Variants in ANKMY1 observed in about 807,000 individuals in gnomAD.
The protein encoded by ANKMY1 is ankyrin repeat and MYND domain-containing protein 1.
A neutral mutation model predicts 102.0 loss-of-function variants in ANKMY1; 98 were observed. The ratio of observed to expected loss-of-function variants is 0.96; its 90% CI spans 0.82 to 1.14. ANKMY1 has a LOEUF of 1.14. ANKMY1 is among the 50% of genes most tolerant of loss of function. ANKMY1 has a pLI of 0.00. For synonymous variants in ANKMY1, 582 were observed against 559.9 expected (o/e 1.04, Z -0.56); for missense variants, 1,330 against 1,347.6 (o/e 0.99, Z 0.20).
downstream of ANKMY1, among the ~76,000 whole-genome samples, chr2:240,478,779 A>G (rs2075033505): frequency 6.6e-6 from 1 of 150,932 alleles, no homozygotes. Flanking sequence ...GCCACAAGCC[A>G]GCCTGGAGCG....
downstream of ANKMY1, among the ~76,000 whole-genome samples, chr2:240,476,561 C>A (rs1047918447): frequency 6.6e-6 from 1 of 152,148 alleles, no homozygotes; most frequent in Admixed American, 6.5e-5. Flanking sequence ...CCTGTCCTGG[C>A]AGATGTGAAA....
intron 15 of ANKMY1, 121 bp from the exon 16 acceptor site, chr2:240,482,382 G>A (rs1559224611): frequency 1.2e-6 from 1 of 850,856 alleles, no homozygotes; most frequent in South Asian, 1.9e-5. Flanking sequence ...GGCGGATAGG[G>A]GGAAGCAAGC....
At chr2:240,541,359 T>A (rs1209204212) in intron 4 of ANKMY1, among the ~76,000 whole-genome samples, 2 of 152,008 alleles carry the variant, frequency 1.3e-5, no homozygotes, top group Admixed American at 6.6e-5. Flanking sequence ...TTGGTGATTG[T>A]TTGTGTGTGT....
rs1331810981 is a variant in ANKMY1 at position 240,524,019 on chromosome 2, G to C, written c.1698C>G (p.Phe566Leu). The C allele has an allele frequency of 2.5e-6, 4 of 1,613,864 alleles. No individual in the cohort carries two copies. Among genetic ancestry groups the C allele is most frequent in the Non-Finnish European group, 3.4e-6 (4 of 1,180,046 alleles). Residue 566 changes from phenylalanine to leucine, a missense_variant, in exon 8 of 18, where the codon TTC (phenylalanine) becomes TTG (leucine). Physicochemically the swap from Phe to Leu is conservative, Grantham distance 22. Coordinates refer to ENST00000401804, the MANE Select transcript of ANKMY1 (RefSeq NM_001282771.3). ...GCATGGCCTGCGAGAGCTCGATGGA[G>C]AAGTCGCACACACACACGTTGGACT... ...KFESNVCVCD[F>L]SIELSQAMLE...
chr2:240,488,727 A>G (rs1225302925), intron 15 of ANKMY1, among the ~76,000 whole-genome samples: 2 of 152,040 alleles, frequency 1.3e-5, no homozygotes, highest in African/African-American at 4.8e-5. Flanking sequence ...TTTTGTAGCC[A>G]TTGTAAATGT....
intron 15 of ANKMY1, among the ~76,000 whole-genome samples, 156 bp from the exon 16 acceptor site, chr2:240,482,417 G>A (rs1366933730): frequency 2.0e-5 from 3 of 152,248 alleles, no homozygotes; most frequent in African/African-American, 7.2e-5. Context: ...TAGTGGGTGC[G>A]AGGACGCAGA....
intron 4 of ANKMY1, among the ~76,000 whole-genome samples, chr2:240,552,551 T>G (rs2091701695): frequency 6.6e-6 from 1 of 152,210 alleles, no homozygotes; most frequent in African/African-American, 2.4e-5. Flanking sequence ...TAAATTATAC[T>G]GTAATAAAAG....
At chr2:240,470,393 C>A in the ANKMY1 span, among the ~76,000 whole-genome samples, 1 of 152,228 alleles carries the variant, frequency 6.6e-6, no homozygotes, top group African/African-American at 2.4e-5. Context: ...AGCACACAGG[C>A]TTCACAGACG....
Position 240,557,912 on chromosome 2 carries a change from G to T in ANKMY1, c.-49C>A. 1.0e-6 allele frequency: 1 copy of T among 985,588 alleles called. No homozygotes were observed. Among genetic ancestry groups the T allele is most frequent in the Non-Finnish European group, 1.2e-6 (1 of 830,046 alleles). The allele number at this position is 985,588 out of a possible 1,614,324, so 61.1% of individuals were successfully genotyped here. The stretch of plus-strand genomic sequence containing the variant: ...AGACTCGAAGAGCTCGCGCCGGACA[G>T]CAGGGAGACCGACGGGACTGCAGCC... On this transcript the variant is annotated 5_prime_UTR_variant, in exon 1 of 18. In the 5' UTR this introduces an upstream ATG that the reference lacks. Coordinates refer to ENST00000401804, the MANE Select transcript of ANKMY1 (RefSeq NM_001282771.3).
upstream of ANKMY1, chr2:240,558,484 C>CG (rs1283564112): frequency 6.6e-6 from 1 of 152,328 alleles, no homozygotes; most frequent in African/African-American, 2.4e-5. Flanking sequence ...CCGAGGGCCT[C>CG]GGGGAAGGAC....
Position 240,520,680 on chromosome 2 carries a change from C to G in ANKMY1, c.1833-147G>C, listed in dbSNP as rs2082049423. The G allele has an allele frequency of 9.8e-7, 1 of 1,016,494 alleles. No homozygotes were observed. Among genetic ancestry groups the G allele is most frequent in the Non-Finnish European group, 1.4e-6 (1 of 716,590 alleles). The allele number at this position is 1,016,494 out of a possible 1,614,324, so 63.0% of individuals were successfully genotyped here. The stretch of plus-strand genomic sequence containing the variant: ...TACACAATCACACACACAGCACACA[C>G]CCACACACGCAGACACACCACACAG... On this transcript the variant is annotated intron_variant, in intron 8 of 17. Coordinates refer to ENST00000401804, the MANE Select transcript of ANKMY1 (RefSeq NM_001282771.3). The surrounding 1 kb of genome is among the most constrained non-coding windows in gnomAD (Gnocchi z 4.8).
the ANKMY1 span, among the ~76,000 whole-genome samples, chr2:240,469,435 C>G: frequency 2.6e-5 from 4 of 152,210 alleles, no homozygotes; most frequent in Non-Finnish European, 5.9e-5. Context: ...CTCTCAGTCC[C>G]TCTCGGTTCC....
At chr2:240,500,603 T>C (rs12986801) in intron 13 of ANKMY1, 38 bp from the exon 14 acceptor site, 815,089 of 1,576,598 alleles carry the variant, frequency 0.52, 216,244 homozygotes, top group East Asian at 0.79. Flanking sequence ...CGCAAGGACA[T>C]CCCGGCTACT....
upstream of ANKMY1, chr2:240,560,878 A>G (rs1397140701): frequency 1.4e-6 from 2 of 1,439,408 alleles, no homozygotes; most frequent in Non-Finnish European, 1.8e-6. Context: ...GGCGTGGCAG[A>G]GCTGCGCGTG....
chr2:240,488,550 T>G (rs564526153), intron 15 of ANKMY1, among the ~76,000 whole-genome samples: 1 of 152,350 alleles, frequency 6.6e-6, no homozygotes, highest in African/African-American at 2.4e-5. Flanking sequence ...CTCTGTATAT[T>G]GCTTTTGGTG....
rs752875577 is a variant in ANKMY1 at position 240,553,063 on chromosome 2, AGAT to A, written c.337-9_337-7del. The A allele has an allele frequency of 1.2e-6, 2 of 1,611,338 alleles. No homozygotes were observed. The highest frequency in any genetic ancestry group is 2.2e-5 in the South Asian group (2 of 90,980). On this transcript the variant is annotated splice_region_variant and splice_polypyrimidine_tract_variant and intron_variant, in intron 3 of 17. Coordinates refer to ENST00000401804, the MANE Select transcript of ANKMY1 (RefSeq NM_001282771.3). ...TAAAACTGCCCATGGTATGACTGTGAGATGGAGAAGTTGGTGAGAAATTGCTGC... is the reference window on the plus strand; with the variant it reads ...TAAAACTGCCCATGGTATGACTGTGAGGAGAAGTTGGTGAGAAATTGCTGC...
chr2:240,498,215 G>A (rs534287868), intron 15 of ANKMY1, among the ~76,000 whole-genome samples: 3 of 149,730 alleles, frequency 2.0e-5, no homozygotes, highest in African/African-American at 7.4e-5. Context: ...GTGGCTTGTG[G>A]CTGTGTGCAT....
At chr2:240,509,205 G>GTGGATGGGTGGA (rs1405876175) in intron 12 of ANKMY1, 143 bp downstream of exon 12, 1 of 640,882 alleles carries the variant, frequency 1.6e-6, no homozygotes, top group Non-Finnish European at 2.6e-6. Context: ...GGGTGGGTGA[G>GTGGATGGGTGGA]TGGATGGGTG....
intron 15 of ANKMY1, among the ~76,000 whole-genome samples, chr2:240,490,385 T>C (rs1559237960): frequency 6.6e-6 from 1 of 152,216 alleles, no homozygotes; most frequent in Non-Finnish European, 1.5e-5. Context: ...CTTTCTACTT[T>C]TTTGCTGTAG....
Sources: gnomAD v4.1 joint callset for allele counts (sites outside exome capture counted in the v4.1 genomes callset) on GRCh38, gnomAD v4.1.1 for gene constraint, Gnocchi (gnomAD v3.1) non-coding constraint, MANE v1.5 for transcripts, NCBI Gene and HGNC (gene_info 2026-07-23, HGNC 2026-07-21) for gene names.